Variants in CXCL13 observed in about 807,000 individuals in gnomAD.
CXCL13 encodes C-X-C motif chemokine 13.
In CXCL13, 7 loss-of-function variants were observed where a neutral mutation model predicts 12.2. That is an observed-to-expected ratio of 0.57 (90% CI 0.33 to 1.07). CXCL13 has a LOEUF of 1.07. CXCL13 is among the 50% of genes least tolerant of loss of function. CXCL13 has a pLI of 0.04. For missense variants in CXCL13, 113 were observed against 127.4 expected, an observed-to-expected ratio of 0.89 and a Z score of 0.55; for synonymous variants, 47 against 42.4, an observed-to-expected ratio of 1.11 and a Z score of -0.42.
intron 1 of CXCL13, among the ~76,000 whole-genome samples, chr4:77,519,896 G>A (rs1466338961): frequency 6.6e-6 from 1 of 152,162 alleles, no homozygotes; most frequent in African/African-American, 2.4e-5. Context: ...TTCGTATAAG[G>A]TGTAAGGAAG....
chr4:77,579,846 T>C (rs939076620), intron 1 of CXCL13, among the ~76,000 whole-genome samples: 1 of 152,260 alleles, frequency 6.6e-6, no homozygotes, highest in Non-Finnish European at 1.5e-5. Context: ...TAGATTATTC[T>C]GCTTTTTTGC....
At chr4:77,519,719 T>C (rs4260564) in intron 1 of CXCL13, among the ~76,000 whole-genome samples, 93 of 152,300 alleles carry the variant, frequency 6.1e-4, no homozygotes, top group Non-Finnish European at 1.1e-3. Flanking sequence ...TTTAGTTTAA[T>C]TAGATCTCAT....
intron 1 of CXCL13, among the ~76,000 whole-genome samples, chr4:77,549,141 T>A (rs2866296): frequency 6.6e-6 from 1 of 152,304 alleles, no homozygotes; most frequent in African/African-American, 2.4e-5. Flanking sequence ...CTACTGAAGC[T>A]TGTGCATGTG....
At chr4:77,536,391 T>A (rs1725059688) in intron 1 of CXCL13, among the ~76,000 whole-genome samples, 1 of 152,186 alleles carries the variant, frequency 6.6e-6, no homozygotes, top group African/African-American at 2.4e-5. Context: ...TGTGGCTCCA[T>A]CATGAAGAAG....
chr4:77,564,210 C>A (rs1476988817), intron 1 of CXCL13, among the ~76,000 whole-genome samples: 1 of 152,146 alleles, frequency 6.6e-6, no homozygotes, highest in Non-Finnish European at 1.5e-5. Flanking sequence ...AAGTAGCTTT[C>A]AGGAAAACTA....
chr4:77,536,253 G>A (rs1325906205), intron 1 of CXCL13, among the ~76,000 whole-genome samples: 1 of 152,158 alleles, frequency 6.6e-6, no homozygotes, highest in Non-Finnish European at 1.5e-5. Flanking sequence ...TGGCATGAAA[G>A]TTGAAATGCC....
intron 1 of CXCL13, among the ~76,000 whole-genome samples, chr4:77,524,134 G>T (rs1724698626): frequency 6.6e-6 from 1 of 152,154 alleles, no homozygotes; most frequent in Non-Finnish European, 1.5e-5. Context: ...CCTATATGAG[G>T]TGTCAGTTGG....
At chr4:77,585,922 C>G (rs1051507591) in intron 1 of CXCL13, among the ~76,000 whole-genome samples, 1 of 152,094 alleles carries the variant, frequency 6.6e-6, no homozygotes, top group Admixed American at 6.6e-5. Context: ...TAATTCAGAC[C>G]TAGCACTTCC....
intron 1 of CXCL13, among the ~76,000 whole-genome samples, chr4:77,533,867 G>T (rs1231659821): frequency 6.6e-6 from 1 of 152,192 alleles, no homozygotes; most frequent in Non-Finnish European, 1.5e-5. Flanking sequence ...TGTGCCATTT[G>T]CTAAGACCTT....
chr4:77,589,275 T>C (rs1726551739), intron 1 of CXCL13, among the ~76,000 whole-genome samples: 1 of 152,206 alleles, frequency 6.6e-6, no homozygotes, highest in Non-Finnish European at 1.5e-5. Flanking sequence ...CCATCCTGCT[T>C]CATCCCATCT....
intron 1 of CXCL13, among the ~76,000 whole-genome samples, chr4:77,540,894 C>T (rs1263687750): frequency 1.3e-5 from 2 of 152,156 alleles, no homozygotes; most frequent in Non-Finnish European, 2.9e-5. Flanking sequence ...GAAGCCTTCC[C>T]TTTTCTCCAC....
chr4:77,565,033 A>G (rs1725894431), intron 1 of CXCL13, among the ~76,000 whole-genome samples: 1 of 152,192 alleles, frequency 6.6e-6, no homozygotes, highest in Admixed American at 6.5e-5. Context: ...TCAGAGTGTC[A>G]GTGGTCTTCA....
intron 1 of CXCL13, among the ~76,000 whole-genome samples, chr4:77,547,688 A>G (rs1483743686): frequency 1.3e-5 from 2 of 152,016 alleles, no homozygotes; most frequent in African/African-American, 4.8e-5. Flanking sequence ...TCTTTATCCA[A>G]TTTGCCAGTC....
intron 1 of CXCL13, among the ~76,000 whole-genome samples, chr4:77,598,248 G>A (rs903722073): frequency 1.3e-5 from 2 of 152,192 alleles, no homozygotes; most frequent in Non-Finnish European, 2.9e-5. Context: ...GTTCAGAATC[G>A]AGTCTGCCAT....
intron 1 of CXCL13, among the ~76,000 whole-genome samples, chr4:77,532,448 A>G (rs1220308500): frequency 6.6e-6 from 1 of 152,152 alleles, no homozygotes; most frequent in African/African-American, 2.4e-5. Context: ...TTTGTGGGTA[A>G]CCTGACCTTT....
chr4:77,527,991 CA>C (rs1341637227), intron 1 of CXCL13, among the ~76,000 whole-genome samples: 1 of 152,054 alleles, frequency 6.6e-6, no homozygotes, highest in Non-Finnish European at 1.5e-5. Context: ...CATGTGTTCT[CA>C]TTGTTCAATT....
intron 1 of CXCL13, among the ~76,000 whole-genome samples, chr4:77,570,831 T>G (rs544947617): frequency 6.6e-6 from 1 of 150,778 alleles, no homozygotes; most frequent in African/African-American, 2.5e-5. Context: ...GAGGGTGTAC[T>G]GGATCCCCAA....
intron 1 of CXCL13, among the ~76,000 whole-genome samples, chr4:77,532,849 G>C (rs1031986910): frequency 1.3e-5 from 2 of 152,148 alleles, no homozygotes; most frequent in African/African-American, 4.8e-5. Flanking sequence ...GGCTACTGAG[G>C]CTTGTGTATT....
At chr4:77,571,431 C>A (rs1726076790) in intron 1 of CXCL13, among the ~76,000 whole-genome samples, 2 of 151,038 alleles carry the variant, frequency 1.3e-5, no homozygotes, top group African/African-American at 4.9e-5. Context: ...CCAATCGGCA[C>A]TCTGTATCTA....
Sources: gnomAD v4.1 joint callset for allele counts (sites outside exome capture counted in the v4.1 genomes callset) on GRCh38, gnomAD v4.1.1 for gene constraint, MANE v1.5 for transcripts, NCBI Gene and HGNC (gene_info 2026-07-23, HGNC 2026-07-21) for gene names.